Variants in IGSF3 observed in about 807,000 individuals in gnomAD.
IGSF3 encodes the protein immunoglobulin superfamily member 3.
Under a neutral mutation model 114.4 loss-of-function variants are expected in IGSF3, and 23 were observed. The observed-to-expected ratio is 0.20, with a 90% CI of 0.14 to 0.28. The LOEUF (loss-of-function observed/expected upper bound fraction) is 0.28. Ranked by LOEUF, IGSF3 falls within the 10% of genes least tolerant of loss-of-function variation. The pLI, the probability that IGSF3 is intolerant of heterozygous loss-of-function variation, is 1.00. For synonymous variants in IGSF3, 571 were observed against 645.2 expected, an observed-to-expected ratio of 0.88 and a Z score of 1.74; for missense variants, 1,172 against 1,591.5, an observed-to-expected ratio of 0.74 and a Z score of 4.48.
intron 2 of IGSF3, among the ~76,000 whole-genome samples, chr1:116,658,673 C>T (rs1417772681): frequency 6.6e-6 from 1 of 152,214 alleles, no homozygotes; most frequent in African/African-American, 2.4e-5. Context: ...TCACTCTCCT[C>T]TTACTTAAGA....
intron 2 of IGSF3, among the ~76,000 whole-genome samples, chr1:116,653,468 C>T (rs1648720261): frequency 6.6e-6 from 1 of 152,304 alleles, no homozygotes; most frequent in Middle Eastern, 3.4e-3. Context: ...TCAAATGAGG[C>T]CCAGCTCTCC....
intron 7 of IGSF3, among the ~76,000 whole-genome samples, chr1:116,591,585 G>A (rs905645068): frequency 6.6e-6 from 1 of 152,206 alleles, no homozygotes; most frequent in Non-Finnish European, 1.5e-5. Flanking sequence ...ATATTGTGAA[G>A]TGTTGAGAAG....
At chr1:116,591,608 G>A (rs79474166) in intron 7 of IGSF3, among the ~76,000 whole-genome samples, 3 of 152,158 alleles carry the variant, frequency 2.0e-5, no homozygotes, top group African/African-American at 7.2e-5. Context: ...TGAAAGAGAG[G>A]CATTTTTTAA....
At chr1:116,599,090 C>G (rs1660463250) in intron 7 of IGSF3, among the ~76,000 whole-genome samples, 2 of 152,108 alleles carry the variant, frequency 1.3e-5, no homozygotes, top group African/African-American at 2.4e-5. Context: ...CCTGGCTCCA[C>G]CATTCACTAG....
intron 9 of IGSF3, 151 bp from the exon 10 acceptor site, chr1:116,580,028 G>A (rs1659534870): frequency 1.4e-6 from 1 of 739,556 alleles, no homozygotes; most frequent in Admixed American, 3.1e-5. Flanking sequence ...TGCTACAGGT[G>A]GAAGTTGATC....
Position 116,651,974 on chromosome 1 carries a change from T to C in IGSF3, c.43+14310A>G, listed in dbSNP as rs1450553933. Among the ~76,000 whole-genome samples, 1 of 152,228 alleles carries C rather than the reference T, an allele frequency of 6.6e-6. No homozygotes were observed. The highest frequency in any genetic ancestry group is 1.9e-4 in the East Asian group (1 of 5,200). On this transcript the variant is annotated intron_variant, in intron 2 of 10. Coordinates refer to ENST00000369486, the MANE Select transcript of IGSF3 (RefSeq NM_001007237.3). This position sits in a 1 kb window ranked among gnomAD's most constrained non-coding sequence, Gnocchi z 4.4. ...GCCAAGCATATAGCAGAACACATCA[T>C]ATATTTGTTAAATGTATTGATTAGT...
In IGSF3 at chr1:116,598,112, T is replaced by C. The variant is rs542637253; in HGVS notation, c.2029+1829A>G. Among the ~76,000 whole-genome samples the C allele has an allele frequency of 3.9e-5, 6 of 152,296 alleles. No individual in the cohort carries two copies. Among genetic ancestry groups the C allele is most frequent in the South Asian group, 2.1e-4 (1 of 4,828 alleles). The stretch of plus-strand genomic sequence containing the variant: ...CACTCCAGTCTTAGATTCCAAGTAG[T>C]ACCAGAAACAGGCAAATACTAGGGA... On this transcript the variant is annotated intron_variant, in intron 7 of 10. Transcript: ENST00000369486. This position sits in a 1 kb window ranked among gnomAD's most constrained non-coding sequence, Gnocchi z 4.3.
chr1:116,619,129 G>A lies in IGSF3; in HGVS notation c.44-2672C>T, dbSNP rs1571164311. Among the ~76,000 whole-genome samples, 3 of 152,102 alleles carry A rather than the reference G, an allele frequency of 2.0e-5. No homozygotes were observed. In the East Asian group the frequency reaches 5.8e-4, roughly 29 times the overall value. On this transcript the variant is annotated intron_variant, in intron 2 of 10. Transcript: ENST00000369486. Reference sequence around the variant, plus strand: ...AAGTGCTCAAATGAAATATCTTAAGGCTCTCACTAGCTTTAAGTTTCTCTC... The same window carrying A: ...AAGTGCTCAAATGAAATATCTTAAGACTCTCACTAGCTTTAAGTTTCTCTC...
chr1:116,609,007 C>T (rs1660908091), intron 4 of IGSF3, among the ~76,000 whole-genome samples: 1 of 152,020 alleles, frequency 6.6e-6, no homozygotes, highest in Admixed American at 6.5e-5. Flanking sequence ...GAAGTAGGTA[C>T]TTTCCCAGTG....
At chr1:116,602,732 G>C (rs1425585535) in intron 6 of IGSF3, among the ~76,000 whole-genome samples, 1 of 152,198 alleles carries the variant, frequency 6.6e-6, no homozygotes, top group Non-Finnish European at 1.5e-5. Context: ...TAAAGTTGCT[G>C]AGGACAACCG....
rs532824535 is a variant in IGSF3 at position 116,631,162 on chromosome 1, CA to C, written c.44-14706del. ...TGAAACCCCGTCTCTACTAAAAATA[CA>C]AAAAATTAGCCGGGAGCGGTGGCGG... On this transcript the variant is annotated intron_variant, in intron 2 of 10. Transcript: ENST00000369486. Among the ~76,000 whole-genome samples, 14 of 151,548 alleles carry C rather than the reference CA, an allele frequency of 9.2e-5. 2 individuals carry two copies. In the South Asian group the frequency reaches 2.7e-3, roughly 29 times the overall value.
At chr1:116,613,114 C>A (rs1373791403) in intron 4 of IGSF3, among the ~76,000 whole-genome samples, 1 of 152,208 alleles carries the variant, frequency 6.6e-6, no homozygotes, top group Non-Finnish European at 1.5e-5. Flanking sequence ...TCCTCTTGAG[C>A]CCCAACATAA....
In IGSF3 at chr1:116,583,731, T is replaced by A. The variant is rs72999967; in HGVS notation, c.2848+914A>T. 7.5e-3 allele frequency among the ~76,000 whole-genome samples: 1,138 copies of A among 152,354 alleles called. 16 individuals carry two copies. The highest frequency in any genetic ancestry group is 0.02 in the African/African-American group (851 of 41,580). On this transcript the variant is annotated intron_variant, in intron 9 of 10. Transcript: ENST00000369486. This position sits in a 1 kb window ranked among gnomAD's most constrained non-coding sequence, Gnocchi z 4.5. Reference sequence around the variant, plus strand: ...ATTCTAATATGAATGGATGATGCTGTGATGTTGCAAAGGACATGGGAATCC... The same window carrying A: ...ATTCTAATATGAATGGATGATGCTGAGATGTTGCAAAGGACATGGGAATCC...
In IGSF3 at chr1:116,585,080, G is replaced by C. The variant is rs201151094; in HGVS notation, c.2441-28C>G. 2.0e-3 allele frequency: 2,922 copies of C among 1,495,850 alleles called. 5 individuals are homozygous for C. Among genetic ancestry groups the C allele is most frequent in the Non-Finnish European group, 2.0e-3 (2,296 of 1,120,988 alleles). 92.7% of individuals were successfully genotyped at this position (1,495,850 alleles called of 1,614,324 possible). Reference sequence around the variant, plus strand: ...GGAACAGTAAGGAAGAGACGTCAGCGACAAAAGGACAACAAGCAATTCGTA... The same window carrying C: ...GGAACAGTAAGGAAGAGACGTCAGCCACAAAAGGACAACAAGCAATTCGTA... On this transcript the variant is annotated intron_variant, in intron 8 of 10. Transcript: ENST00000369486. This position sits in a 1 kb window ranked among gnomAD's most constrained non-coding sequence, Gnocchi z 4.9.
intron 2 of IGSF3, among the ~76,000 whole-genome samples, chr1:116,635,783 G>T (rs1312566707): frequency 6.6e-6 from 1 of 152,198 alleles, no homozygotes; most frequent in African/African-American, 2.4e-5. Flanking sequence ...GCATTTCAAA[G>T]CCCTTCATCT....
At chr1:116,609,146 T>A (rs1324849821) in intron 4 of IGSF3, among the ~76,000 whole-genome samples, 2 of 152,002 alleles carry the variant, frequency 1.3e-5, no homozygotes, top group Non-Finnish European at 2.9e-5. Flanking sequence ...GTAGGTACTT[T>A]AGTAGGAAAA....
In IGSF3 at chr1:116,596,368, G is replaced by A. The variant is rs1451501838; in HGVS notation, c.2029+3573C>T. Among the ~76,000 whole-genome samples, 1 of 152,338 alleles carries A rather than the reference G, an allele frequency of 6.6e-6. No homozygotes were observed. Among genetic ancestry groups the A allele is most frequent in the East Asian group, 1.9e-4 (1 of 5,176 alleles). On this transcript the variant is annotated intron_variant, in intron 7 of 10. Coordinates refer to ENST00000369486, the MANE Select transcript of IGSF3 (RefSeq NM_001007237.3). This position sits in a 1 kb window ranked among gnomAD's most constrained non-coding sequence, Gnocchi z 4.1. The stretch of plus-strand genomic sequence containing the variant: ...GAGCAGGGCTAAGAATCTATGTTTT[G>A]AGGGGCAAGGTACGCAGGGAGAGCA...
At position 116,595,876 on chromosome 1, in the gene IGSF3, T is replaced by G. The variant is rs1023530768; in HGVS notation, c.2029+4065A>C. ...GAGAAAAGAACTGATTAAGAGCTAA[T>G]AATCAAACATGTGAACTGGCTGAAA... is the stretch of plus-strand genomic sequence containing the variant. On this transcript the variant is annotated intron_variant, in intron 7 of 10. Coordinates refer to ENST00000369486, the MANE Select transcript of IGSF3 (RefSeq NM_001007237.3). This position sits in a 1 kb window ranked among gnomAD's most constrained non-coding sequence, Gnocchi z 4.2. 6.6e-6 allele frequency among the ~76,000 whole-genome samples: 1 copy of G among 152,238 alleles called. No individual in the cohort carries two copies. Among genetic ancestry groups the G allele is most frequent in the Non-Finnish European group, 1.5e-5 (1 of 68,042 alleles).
In IGSF3 at chr1:116,616,393, G is replaced by A. The variant is rs371020896; in HGVS notation, c.108C>T (p.Ser36=). The A allele has an allele frequency of 1.2e-6, 2 of 1,610,528 alleles. No individual in the cohort carries two copies. The highest frequency in any genetic ancestry group is 2.2e-5 in the South Asian group (2 of 90,964). The change falls in exon 3 of 11, where the codon TCC becomes TCT. Residue 36 remains serine, a synonymous_variant. Transcript: ENST00000369486. This position sits in a 1 kb window ranked among gnomAD's most constrained non-coding sequence, Gnocchi z 6.6. The part of the protein sequence containing the change: ...QEGPLYRTEG[S]HITIWCNVSG... ...TCACATTGCACCAGATAGTGATGTG[G>A]GAGCCCTCCGTGCGGTACAAGGGTC...
Sources: gnomAD v4.1 joint callset for allele counts (sites outside exome capture counted in the v4.1 genomes callset) on GRCh38, gnomAD v4.1.1 for gene constraint, Gnocchi (gnomAD v3.1) non-coding constraint, MANE v1.5 for transcripts, NCBI Gene and HGNC (gene_info 2026-07-23, HGNC 2026-07-21) for gene names.